Variants in CYTH1 observed in about 807,000 individuals in gnomAD.
CYTH1 encodes the protein cytohesin 1, also known as cytohesin-1.
Under a neutral mutation model 61.8 loss-of-function variants are expected in CYTH1, and 18 were observed. The observed-to-expected ratio is 0.29, with a 90% CI of 0.20 to 0.43. The LOEUF is 0.43. Ranked by LOEUF, CYTH1 falls within the 20% of genes least tolerant of loss-of-function variation. CYTH1 has a pLI of 1.00. For missense variants in CYTH1, 336 were observed against 510.5 expected (o/e 0.66, Z 3.29); for synonymous variants, 174 against 184.3 (o/e 0.94, Z 0.45).
rs2092692468 is a variant in CYTH1 at position 78,675,856 on chromosome 17, G to C, written c.*235C>G. The C allele has an allele frequency of 6.9e-7, 1 of 1,457,092 alleles. No individual in the cohort carries two copies. 90.3% of individuals were successfully genotyped at this position (1,457,092 alleles called of 1,614,324 possible). A position where few individuals can be genotyped will look rare whatever the true frequency, so the allele number is the denominator to read the frequency against. ...CCTGCCGACAAGAGCTCTGCCCTGT[G>C]AGAGAGGAAGGCTCTGGAGCCCATG... On this transcript the variant is annotated 3_prime_UTR_variant, in exon 14 of 14. Transcript: ENST00000446868.
At chr17:78,698,181 GCA>G in intron 9 of CYTH1, 86 bp downstream of exon 9, 1 of 1,072,590 alleles carries the variant, frequency 9.3e-7, no homozygotes, top group Non-Finnish European at 1.4e-6. Flanking sequence ...ACGCACACGC[GCA>G]CACACGCACG....
intron 13 of CYTH1, among the ~76,000 whole-genome samples, chr17:78,679,192 A>C (rs890510472): frequency 1.4e-4 from 22 of 152,206 alleles, no homozygotes; most frequent in Non-Finnish European, 2.5e-4. Context: ...CAGTACACAG[A>C]GGACTTACAG....
chr17:78,704,388 A>G (rs1269087026), intron 3 of CYTH1, among the ~76,000 whole-genome samples: 1 of 152,244 alleles, frequency 6.6e-6, no homozygotes, highest in Non-Finnish European at 1.5e-5. Flanking sequence ...TAATTTTATA[A>G]TCTCCGAGAG....
chr17:78,691,701 C>T (rs1044276529), intron 11 of CYTH1: 3 of 152,218 alleles, frequency 2.0e-5, no homozygotes, highest in Non-Finnish European at 1.5e-5. Flanking sequence ...CACCCCATCA[C>T]CAGTCCGGTG....
chr17:78,701,045 G>A (rs908283884), intron 6 of CYTH1, among the ~76,000 whole-genome samples: 7 of 152,244 alleles, frequency 4.6e-5, no homozygotes, highest in African/African-American at 1.7e-4. Context: ...CTGAAACATA[G>A]ATAATGCTCA....
At chr17:78,726,195 T>C (rs12936910) in intron 1 of CYTH1, among the ~76,000 whole-genome samples, 8,922 of 151,988 alleles carry the variant, frequency 0.059, 477 homozygotes, top group South Asian at 0.15. Flanking sequence ...AGGCACCCGC[T>C]ACCACGCCTG....
intron 11 of CYTH1, among the ~76,000 whole-genome samples, chr17:78,684,336 G>A (rs950025978): frequency 1.3e-5 from 2 of 152,204 alleles, no homozygotes; most frequent in African/African-American, 2.4e-5. Flanking sequence ...ACAACTAAAC[G>A]TTAAGCTGCT....
chr17:78,740,584 C>A (rs753957079), intron 1 of CYTH1, among the ~76,000 whole-genome samples: 6 of 152,190 alleles, frequency 3.9e-5, no homozygotes, highest in African/African-American at 4.8e-5. Context: ...ATCTCTAGTA[C>A]AACAATTACC....
At chr17:78,715,801 G>A (rs1011303629) in intron 1 of CYTH1, among the ~76,000 whole-genome samples, 19 of 152,132 alleles carry the variant, frequency 1.2e-4, no homozygotes, top group African/African-American at 3.4e-4. Flanking sequence ...TCATGGTGCT[G>A]GTCGCTGGTA....
intron 3 of CYTH1, among the ~76,000 whole-genome samples, chr17:78,703,122 T>G (rs1174032666): frequency 1.3e-5 from 2 of 151,626 alleles, no homozygotes; most frequent in Non-Finnish European, 2.9e-5. Flanking sequence ...AAAAAAACTT[T>G]ATCAGGGTAG....
At chr17:78,679,038 T>C (rs938444680) in intron 13 of CYTH1, among the ~76,000 whole-genome samples, 1 of 152,338 alleles carries the variant, frequency 6.6e-6, no homozygotes. Context: ...ATCATCTCCA[T>C]CTTCAGTCAG....
chr17:78,757,228 G>A (rs1304181780), intron 1 of CYTH1, among the ~76,000 whole-genome samples: 4 of 152,022 alleles, frequency 2.6e-5, no homozygotes, highest in Middle Eastern at 3.4e-3. Context: ...GATTACAGGC[G>A]TGAGCCACCA....
chr17:78,698,183 A>G (rs1303836213), intron 9 of CYTH1, 86 bp downstream of exon 9: 2 of 1,097,838 alleles, frequency 1.8e-6, no homozygotes, highest in Admixed American at 4.0e-5. Context: ...GCACACGCGC[A>G]CACACGCACG....
intron 7 of CYTH1, 138 bp from the exon 8 acceptor site, chr17:78,699,106 C>G: frequency 1.0e-6 from 1 of 998,974 alleles, no homozygotes; most frequent in Non-Finnish European, 1.5e-6. Flanking sequence ...GTGGCTTACA[C>G]CTGTAATCCC....
At position 78,699,375 on chromosome 17, in the gene CYTH1, A is replaced by C. The variant is rs144723561; in HGVS notation, c.551-407T>G. ...TGAGACTCCATCTCAGAAAAAAAAA[A>C]AAAAACATGTTCTCAAAAGAATGAG... On this transcript the variant is annotated intron_variant, in intron 7 of 13. Coordinates refer to ENST00000446868, the MANE Select transcript of CYTH1 (RefSeq NM_004762.6). 3.3e-3 allele frequency among the ~76,000 whole-genome samples: 503 copies of C among 152,196 alleles called. 3 individuals are homozygous for C. Among genetic ancestry groups the C allele is most frequent in the African/African-American group, 0.011 (451 of 41,520 alleles).
At chr17:78,690,295 G>A (rs1321097712) in intron 11 of CYTH1, among the ~76,000 whole-genome samples, 1 of 149,154 alleles carries the variant, frequency 6.7e-6, no homozygotes, top group African/African-American at 2.5e-5. Context: ...TCCGGAGGCC[G>A]AGGCAGGAGA....
intron 1 of CYTH1, among the ~76,000 whole-genome samples, chr17:78,713,027 G>A (rs530625377): frequency 8.1e-4 from 123 of 151,568 alleles, no homozygotes; most frequent in Non-Finnish European, 9.1e-4. Context: ...CTGCACCCCC[G>A]CCAAACCCAC....
chr17:78,779,904 G>A (rs563550359), intron 1 of CYTH1, among the ~76,000 whole-genome samples: 2 of 152,332 alleles, frequency 1.3e-5, no homozygotes, highest in South Asian at 2.1e-4. Context: ...TAATATAACA[G>A]GTATAGGAAA....
chr17:78,778,249 A>G (rs2093500899), intron 1 of CYTH1, among the ~76,000 whole-genome samples: 1 of 149,036 alleles, frequency 6.7e-6, no homozygotes, highest in Non-Finnish European at 1.5e-5. Context: ...GCAGGGAGCT[A>G]AGACTGTGCC....
Sources: allele counts gnomAD v4.1 joint callset (sites outside exome capture counted in the v4.1 genomes callset), GRCh38; gene constraint gnomAD v4.1.1; transcripts MANE v1.5; gene names NCBI Gene and HGNC (gene_info 2026-07-23, HGNC 2026-07-21).